The following BEND7 variants were observed in gnomAD, a reference collection of about 807,000 sequenced individuals.
The protein encoded by BEND7 is BEN domain-containing protein 7.
BEND7 carries 28 observed loss-of-function variants against 50.9 expected under a neutral mutation model. The observed-to-expected ratio is 0.55, with a 90% CI of 0.41 to 0.75. The LOEUF is 0.75. Ranked by LOEUF, BEND7 falls within the 30% of genes least tolerant of loss-of-function variation. The pLI is 0.00. For missense variants in BEND7, 477 were observed against 491.3 expected, an observed-to-expected ratio of 0.97 and a Z score of 0.28; for synonymous variants, 170 against 183.9, an observed-to-expected ratio of 0.92 and a Z score of 0.61.
chr10:13,480,834 G>A (rs1387521807), intron 6 of BEND7, 65 bp downstream of exon 6: 1 of 1,596,420 alleles, frequency 6.3e-7, no homozygotes, highest in Non-Finnish European at 8.5e-7. Flanking sequence ...AATTTCAGCT[G>A]CATCGTTACG....
intron 6 of BEND7, among the ~76,000 whole-genome samples, chr10:13,471,656 T>A (rs2074846019): frequency 6.6e-6 from 1 of 152,236 alleles, no homozygotes; most frequent in African/African-American, 2.4e-5. Flanking sequence ...AGGACCCTTG[T>A]GTCACATAAC....
At chr10:13,497,239 T>C (rs1289694898) in intron 3 of BEND7, among the ~76,000 whole-genome samples, 1 of 152,230 alleles carries the variant, frequency 6.6e-6, no homozygotes, top group Non-Finnish European at 1.5e-5. Flanking sequence ...AACACACTCA[T>C]GCTAGTTCAC....
At chr10:13,439,619 A>T (rs963185960), downstream of BEND7, 5 of 943,646 alleles carry the variant, frequency 5.3e-6, no homozygotes, top group Non-Finnish European at 6.1e-6. Flanking sequence ...CTGGTTCGTC[A>T]GCCAGAAACT....
At chr10:13,499,429 C>CT (rs1474871930) in intron 3 of BEND7, among the ~76,000 whole-genome samples, 9 of 152,070 alleles carry the variant, frequency 5.9e-5, no homozygotes, top group Admixed American at 4.6e-4. Flanking sequence ...CAGGAAGCTT[C>CT]TTTTAAAGAC....
At chr10:13,465,371 T>A (rs2074127332) in intron 6 of BEND7, among the ~76,000 whole-genome samples, 1 of 152,168 alleles carries the variant, frequency 6.6e-6, no homozygotes, top group Non-Finnish European at 1.5e-5. Context: ...AATGAGAATA[T>A]CCTACTGAGT....
intron 2 of BEND7, among the ~76,000 whole-genome samples, chr10:13,522,692 C>G (rs911261330): frequency 6.6e-6 from 1 of 152,166 alleles, no homozygotes; most frequent in African/African-American, 2.4e-5. Context: ...TCCCCTCTAC[C>G]CCTTCCAACT....
intron 8 of BEND7, chr10:13,447,007 T>C (rs1836482185): frequency 1.4e-5 from 7 of 502,288 alleles, no homozygotes; most frequent in Middle Eastern, 1.0e-3. Flanking sequence ...AGGCAAAATG[T>C]TATGATACTT....
At chr10:13,488,219 C>A (rs1347857957) in intron 5 of BEND7, among the ~76,000 whole-genome samples, 1 of 151,112 alleles carries the variant, frequency 6.6e-6, no homozygotes, top group Non-Finnish European at 1.5e-5. Flanking sequence ...ATAGTAACTA[C>A]AACAGATAGA....
At chr10:13,513,185 T>C (rs1458953819) in intron 2 of BEND7, among the ~76,000 whole-genome samples, 1 of 152,188 alleles carries the variant, frequency 6.6e-6, no homozygotes, top group East Asian at 1.9e-4. Context: ...ACTAAATTGA[T>C]ATCATGACCT....
chr10:13,505,951 A>G (rs765766647), intron 2 of BEND7, among the ~76,000 whole-genome samples: 3 of 152,238 alleles, frequency 2.0e-5, no homozygotes, highest in Non-Finnish European at 4.4e-5. Flanking sequence ...TAGTAAACAA[A>G]TAACAGGGAA....
At position 13,528,584 on chromosome 10, in the gene BEND7, AGCGGCAGCGGCGGCAGCGGCAGCGGCGGC is replaced by A; in HGVS notation, c.-80_-52del. 7.9e-5 allele frequency: 2 copies of A among 25,462 alleles called. No homozygotes were observed. The highest frequency in any genetic ancestry group is 0.011 in the East Asian group (1 of 90). The allele number at this position is 25,462 out of a possible 1,614,324, so 1.6% of individuals were successfully genotyped here. On this transcript the variant is annotated 5_prime_UTR_variant, in exon 1 of 9. Transcript: ENST00000466271. ...CTGAGGAGGCGGCGGCAGCGGCGGC[AGCGGCAGCGGCGGCAGCGGCAGCGGCGGC>A]GCGGGCTCGTGTCACCGCGGCGGAG...
chr10:13,520,198 C>A (rs187884124), intron 2 of BEND7, among the ~76,000 whole-genome samples: 1 of 152,212 alleles, frequency 6.6e-6, no homozygotes, highest in Admixed American at 6.5e-5. Context: ...GTAGAAATGA[C>A]AATACCTTCT....
At chr10:13,480,792 C>A (rs1588860246) in intron 6 of BEND7, 107 bp downstream of exon 6, 6 of 1,531,114 alleles carry the variant, frequency 3.9e-6, no homozygotes, top group Non-Finnish European at 5.3e-6. Context: ...TTGGCAATGG[C>A]AAATGAAACT....
intron 8 of BEND7, chr10:13,442,179 C>T (rs897879338): frequency 6.0e-6 from 1 of 166,698 alleles, no homozygotes; most frequent in African/African-American, 2.4e-5. Flanking sequence ...CTCATTCATC[C>T]TCAGTTTCCC....
At chr10:13,446,038 A>T (rs1836246337) in intron 8 of BEND7, 2 of 152,250 alleles carry the variant, frequency 1.3e-5, no homozygotes. Context: ...AACAACAGAG[A>T]TCACGTATTT....
intron 6 of BEND7, among the ~76,000 whole-genome samples, chr10:13,468,517 T>C (rs2074480333): frequency 6.6e-6 from 1 of 152,150 alleles, no homozygotes; most frequent in Admixed American, 6.5e-5. Context: ...TCGGACTGAA[T>C]AGGCCAAGGG....
At chr10:13,474,528 CCCGTCACCGCTGTTGG>C in intron 6 of BEND7, among the ~76,000 whole-genome samples, 1 of 137,704 alleles carries the variant, frequency 7.3e-6, no homozygotes, top group Admixed American at 7.1e-5. Context: ...CGGGTCGATA[CCCGTCACCGCTGTTGG>C]ACTCGGGTTG....
intron 5 of BEND7, 114 bp downstream of exon 5, chr10:13,492,497 T>G: frequency 7.6e-7 from 1 of 1,317,282 alleles, no homozygotes; most frequent in Non-Finnish European, 1.0e-6. Context: ...TTTTCTTCTT[T>G]CCCACATATA....
At chr10:13,514,269 A>G (rs1046782429) in intron 2 of BEND7, among the ~76,000 whole-genome samples, 3 of 152,218 alleles carry the variant, frequency 2.0e-5, no homozygotes, top group Non-Finnish European at 4.4e-5. Flanking sequence ...CAATTCTAAT[A>G]ACAGATATGA....
Sources: allele counts gnomAD v4.1 joint callset (sites outside exome capture counted in the v4.1 genomes callset), GRCh38; gene constraint gnomAD v4.1.1; transcripts MANE v1.5; gene names NCBI Gene and HGNC (gene_info 2026-07-23, HGNC 2026-07-21).